The following DPYSL4 variants were observed in gnomAD, a reference collection of about 807,000 sequenced individuals.
DPYSL4 encodes dihydropyrimidinase-related protein 4.
A neutral mutation model predicts 63.4 loss-of-function variants in DPYSL4; 43 were observed. That is an observed-to-expected ratio of 0.68 (90% CI 0.53 to 0.88). The LOEUF (loss-of-function observed/expected upper bound fraction) is 0.88. DPYSL4 is among the 40% of genes least tolerant of loss of function. DPYSL4 has a pLI of 0.00. For synonymous variants in DPYSL4, 353 were observed against 331.7 expected, an observed-to-expected ratio of 1.06 and a Z score of -0.70; for missense variants, 733 against 819.5, an observed-to-expected ratio of 0.89 and a Z score of 1.29.
In DPYSL4 at chr10:132,189,770, G is replaced by C. The variant is rs114200716; in HGVS notation, c.40-977G>C. ...AATGATCCGGCTCCCACTGTTACCT[G>C]TCACAAGCTACTTTCTAACACAGCA... On this transcript the variant is annotated intron_variant, in intron 1 of 13. Coordinates refer to ENST00000338492, the MANE Select transcript of DPYSL4 (RefSeq NM_006426.3). Among the ~76,000 whole-genome samples the C allele has an allele frequency of 3.9e-3, 589 of 152,276 alleles. 3 individuals are homozygous for C. Among genetic ancestry groups the C allele is most frequent in the African/African-American group, 0.014 (561 of 41,552 alleles).
Position 132,202,793 on chromosome 10 carries a change from T to C in DPYSL4, c.1429T>C (p.Phe477Leu). ...RFVPRKTFPD[F>L]VYKRIKARNR... is the part of the protein sequence containing the mutation. Reference sequence around the variant, plus strand: ...CGTCCCTCGGAAAACATTCCCGGACTTTGTCTACAAGAGGATCAAAGCTCG... The same window carrying C: ...CGTCCCTCGGAAAACATTCCCGGACCTTGTCTACAAGAGGATCAAAGCTCG... The change falls in exon 12 of 14, where the codon TTT becomes CTT. Residue 477 changes from phenylalanine (F) to leucine (L), a missense_variant. Transcript: ENST00000338492. The C allele has an allele frequency of 6.2e-7, 1 of 1,608,858 alleles. No homozygotes were observed. The highest frequency in any genetic ancestry group is 8.5e-7 in the Non-Finnish European group (1 of 1,177,720).
intron 6 of DPYSL4, among the ~76,000 whole-genome samples, chr10:132,197,625 C>G (rs2061962765): frequency 6.6e-6 from 1 of 152,252 alleles, no homozygotes; most frequent in South Asian, 2.1e-4. Context: ...AGATGGAGTT[C>G]AGAGAGTGGG....
chr10:132,191,326 G>C (rs1415449342), intron 2 of DPYSL4, among the ~76,000 whole-genome samples: 3 of 146,728 alleles, frequency 2.0e-5, no homozygotes, highest in Non-Finnish European at 3.0e-5. Context: ...GTACACACTG[G>C]CCACGTGGTA....
intron 3 of DPYSL4, 112 bp downstream of exon 3, chr10:132,192,954 G>A: frequency 3.6e-6 from 4 of 1,112,494 alleles, no homozygotes; most frequent in Non-Finnish European, 5.0e-6. Flanking sequence ...TTTCTCAGCT[G>A]TCTGCCTTTA....
chr10:132,195,060 G>A (rs1289680500), intron 4 of DPYSL4, 51 bp downstream of exon 4: 1 of 1,566,246 alleles, frequency 6.4e-7, no homozygotes, highest in Non-Finnish European at 8.6e-7. Context: ...TGGTGGAGGA[G>A]CCTCTGCCCT....
intron 1 of DPYSL4, among the ~76,000 whole-genome samples, chr10:132,189,087 T>G (rs746135116): frequency 6.6e-6 from 1 of 152,238 alleles, no homozygotes; most frequent in Non-Finnish European, 1.5e-5. Context: ...TGCTCTTGGC[T>G]TCAGACTGAC....
Position 132,187,108 on chromosome 10 carries a change from C to A in DPYSL4, c.39+6C>A, listed in dbSNP as rs777949906. On this transcript the variant is annotated splice_donor_region_variant and intron_variant, in intron 1 of 13. Transcript: ENST00000338492. ...AAAGCATCCCCCGGATCACGGTGAG[C>A]CCGGTCCCGCTTCGCCCGGCGCCCC... The A allele has an allele frequency of 3.9e-5, 59 of 1,526,690 alleles. No individual in the cohort carries two copies. Among genetic ancestry groups the A allele is most frequent in the Non-Finnish European group, 5.1e-5 (58 of 1,131,968 alleles). The allele number at this position is 1,526,690 out of a possible 1,614,324, so 94.6% of individuals were successfully genotyped here. A position where few individuals can be genotyped will look rare whatever the true frequency, so the allele number is the denominator to read the frequency against.
chr10:132,187,853 C>CG (rs936326813), intron 1 of DPYSL4, among the ~76,000 whole-genome samples: 22 of 152,278 alleles, frequency 1.4e-4, no homozygotes, highest in Non-Finnish European at 2.9e-4. Context: ...CCCGCTCGGG[C>CG]GGGGGGAGAT....
intron 1 of DPYSL4, among the ~76,000 whole-genome samples, chr10:132,189,004 C>T (rs1028563774): frequency 6.6e-6 from 1 of 152,212 alleles, no homozygotes; most frequent in Non-Finnish European, 1.5e-5. Context: ...AGCAGTGAAT[C>T]CTGTAATGGA....
At chr10:132,194,712 G>A (rs534982306) in intron 3 of DPYSL4, 133 bp from the exon 4 acceptor site, 35 of 1,112,472 alleles carry the variant, frequency 3.1e-5, no homozygotes, top group South Asian at 1.6e-4. Context: ...CTCAGGGGCC[G>A]GTGGCCTCTG....
At chr10:132,199,063 G>C in intron 8 of DPYSL4, 92 bp downstream of exon 8, 4 of 1,495,082 alleles carry the variant, frequency 2.7e-6, no homozygotes, top group Non-Finnish European at 3.6e-6. Context: ...CTGAGTCCCT[G>C]CATCGGGGCG....
At chr10:132,195,149 T>G (rs1205840257) in intron 4 of DPYSL4, 140 bp downstream of exon 4, 1 of 1,003,750 alleles carries the variant, frequency 1.0e-6, no homozygotes, top group African/African-American at 1.6e-5. Flanking sequence ...AGAAAAGTCA[T>G]TTGAAGGCCC....
intron 3 of DPYSL4, among the ~76,000 whole-genome samples, chr10:132,193,594 G>A (rs1238576259): frequency 6.6e-6 from 1 of 152,244 alleles, no homozygotes. Context: ...TGCGGCGTCC[G>A]TCTGGCACAG....
intron 8 of DPYSL4, 103 bp downstream of exon 8, chr10:132,199,074 G>A: frequency 6.8e-7 from 1 of 1,461,902 alleles, no homozygotes; most frequent in Non-Finnish European, 9.2e-7. Flanking sequence ...CATCGGGGCG[G>A]GGCACTGGAC....
chr10:132,198,218 T>C (rs553057282), intron 6 of DPYSL4, among the ~76,000 whole-genome samples, 197 bp from the exon 7 acceptor site: 123 of 152,190 alleles, frequency 8.1e-4, no homozygotes, highest in African/African-American at 2.9e-3. Flanking sequence ...GTCCCCTCCT[T>C]GGTAACTCAG....
Position 132,187,111 on chromosome 10 carries a change from G to A in DPYSL4, c.39+9G>A, listed in dbSNP as rs757485817. ...GCATCCCCCGGATCACGGTGAGCCC[G>A]GTCCCGCTTCGCCCGGCGCCCCCTG... On this transcript the variant is annotated intron_variant, in intron 1 of 13. Transcript: ENST00000338492. 6.7e-6 allele frequency: 10 copies of A among 1,498,998 alleles called. No individual in the cohort carries two copies. Among genetic ancestry groups the A allele is most frequent in the Non-Finnish European group, 8.1e-6 (9 of 1,112,452 alleles). The allele number at this position is 1,498,998 out of a possible 1,614,324, so 92.9% of individuals were successfully genotyped here. A position where few individuals can be genotyped will look rare whatever the true frequency, so the allele number is the denominator to read the frequency against.
intron 12 of DPYSL4, 186 bp from the exon 13 acceptor site, chr10:132,203,576 G>A (rs964459852): frequency 1.7e-5 from 10 of 591,086 alleles, no homozygotes; most frequent in Middle Eastern, 4.5e-4. Flanking sequence ...GGAGGGAGGC[G>A]TGTGTGAACT....
At chr10:132,201,082 C>G in intron 10 of DPYSL4, 99 bp downstream of exon 10, 1 of 1,488,176 alleles carries the variant, frequency 6.7e-7, no homozygotes, top group Non-Finnish European at 9.0e-7. Flanking sequence ...AGTGCACACT[C>G]GTGAAACAGA....
At chr10:132,199,994 C>T (rs773955811) in intron 8 of DPYSL4, among the ~76,000 whole-genome samples, 6 of 152,176 alleles carry the variant, frequency 3.9e-5, no homozygotes, top group Admixed American at 1.3e-4. Flanking sequence ...CCTGGTGAGG[C>T]CATGGCCAGG....
Sources: allele counts gnomAD v4.1 joint callset (sites outside exome capture counted in the v4.1 genomes callset), GRCh38; gene constraint gnomAD v4.1.1; transcripts MANE v1.5; gene names NCBI Gene and HGNC (gene_info 2026-07-23, HGNC 2026-07-21).